The following KHDRBS2 variants were observed in gnomAD, a reference collection of about 807,000 sequenced individuals.
KHDRBS2 encodes the protein KH RNA binding domain containing, signal transduction associated 2, also known as KH domain-containing, RNA-binding, signal transduction-associated protein 2.
In KHDRBS2, 26 loss-of-function variants were observed where a neutral mutation model predicts 44.3. That is an observed-to-expected ratio of 0.59 (90% confidence interval 0.43 to 0.81). The LOEUF (loss-of-function observed/expected upper bound fraction) is 0.81, where lower values mean the gene tolerates loss of function less well. Ranked by LOEUF, KHDRBS2 falls within the 40% of genes least tolerant of loss-of-function variation. The pLI is 0.00. For synonymous variants in KHDRBS2, 194 were observed against 151.1 expected (o/e 1.28, Z -2.08); for missense variants, 476 against 433.1 (o/e 1.10, Z -0.88).
At chr6:62,266,931 T>C (rs1163181493) in intron 1 of KHDRBS2, among the ~76,000 whole-genome samples, 1 of 152,052 alleles carries the variant, frequency 6.6e-6, no homozygotes, top group East Asian at 1.9e-4. Flanking sequence ...AAATATTTTT[T>C]CTTTAGAAAT....
the KHDRBS2 span, among the ~76,000 whole-genome samples, chr6:61,650,400 T>TA: frequency 4.8e-5 from 5 of 104,394 alleles, no homozygotes; most frequent in Admixed American, 2.3e-4. Context: ...CTGCTTTTTT[T>TA]AAAAAAATGT....
chr6:61,591,554 G>C, the KHDRBS2 span, among the ~76,000 whole-genome samples: 2 of 152,052 alleles, frequency 1.3e-5, no homozygotes, highest in Admixed American at 1.3e-4. Context: ...CGTGCACCTA[G>C]AGTAACTAAA....
At chr6:61,870,666 C>T (rs1329614940) in intron 6 of KHDRBS2, among the ~76,000 whole-genome samples, 17 of 152,128 alleles carry the variant, frequency 1.1e-4, no homozygotes, top group Non-Finnish European at 8.8e-5. Flanking sequence ...GGACGAAGCT[C>T]CCAGAGGAAA....
At chr6:61,725,836 A>G (rs1336486234) in intron 7 of KHDRBS2, among the ~76,000 whole-genome samples, 1 of 151,682 alleles carries the variant, frequency 6.6e-6, no homozygotes, top group Non-Finnish European at 1.5e-5. Context: ...CAGGACCAGA[A>G]TCTCAGATAG....
intron 2 of KHDRBS2, among the ~76,000 whole-genome samples, chr6:62,122,688 G>T (rs1330387192): frequency 1.3e-5 from 2 of 152,048 alleles, no homozygotes; most frequent in Non-Finnish European, 2.9e-5. Context: ...CTGCATACGT[G>T]GCTCTGCACA....
rs1229577680 is a variant in KHDRBS2 at position 62,041,646 on chromosome 6, T to C, written c.336+6232A>G. Among the ~76,000 whole-genome samples the C allele has an allele frequency of 2.0e-5, 3 of 152,184 alleles. No homozygotes were observed. In the East Asian group the frequency reaches 5.8e-4, roughly 30 times the overall value. On this transcript the variant is annotated intron_variant, in intron 3 of 8. Transcript: ENST00000281156. ...CTATACAAGTAGCATTAATAAAATG[T>C]TTTCTGTATATAAAACTTGGTTTAT...
intron 2 of KHDRBS2, among the ~76,000 whole-genome samples, chr6:62,062,707 C>T (rs1004431125): frequency 3.4e-5 from 5 of 147,736 alleles, no homozygotes; most frequent in South Asian, 2.2e-4. Context: ...CCTAACATCA[C>T]AATTAAAAGA....
Position 61,945,333 on chromosome 6 carries a change from T to C in KHDRBS2, c.483+32733A>G, listed in dbSNP as rs1037932301. Among the ~76,000 whole-genome samples the C allele has an allele frequency of 4.6e-5, 7 of 151,250 alleles. 1 individual carries two copies. Among genetic ancestry groups the C allele is most frequent in the African/African-American group, 1.2e-4 (5 of 41,362 alleles). ...CATTTATGAAAATTTTCATAAACAG[T>C]ATTTTTAAAAAGATATAATTATGCC... is the stretch of plus-strand genomic sequence containing the variant. On this transcript the variant is annotated intron_variant, in intron 4 of 8. Transcript: ENST00000281156.
At chr6:61,553,277 C>T in the KHDRBS2 span, among the ~76,000 whole-genome samples, 1,354 of 151,960 alleles carry the variant, frequency 8.9e-3, 19 homozygotes, top group African/African-American at 0.031. Context: ...TACATTTTTT[C>T]ATTTGTGTGT....
chr6:61,948,420 T>C (rs1437483159), intron 4 of KHDRBS2, among the ~76,000 whole-genome samples: 1 of 152,042 alleles, frequency 6.6e-6, no homozygotes, highest in Non-Finnish European at 1.5e-5. Flanking sequence ...TTAAAATGCA[T>C]ACTTTTGCCA....
intron 2 of KHDRBS2, among the ~76,000 whole-genome samples, chr6:62,104,421 T>G (rs184086513): frequency 3.9e-5 from 6 of 152,212 alleles, no homozygotes; most frequent in African/African-American, 1.4e-4. Flanking sequence ...TAGGTATATT[T>G]GAAATCATTC....
At chr6:61,786,858 A>G (rs1368629182) in intron 6 of KHDRBS2, among the ~76,000 whole-genome samples, 1 of 151,890 alleles carries the variant, frequency 6.6e-6, no homozygotes, top group Non-Finnish European at 1.5e-5. Context: ...GCTTTGTCAT[A>G]GAATTGTTTA....
chr6:61,738,728 C>A (rs1775745889), intron 6 of KHDRBS2, among the ~76,000 whole-genome samples: 1 of 151,886 alleles, frequency 6.6e-6, no homozygotes, highest in Non-Finnish European at 1.5e-5. Context: ...CTGGAAAATG[C>A]ATTTTTTGTC....
chr6:61,890,378 C>T (rs1336165900), intron 6 of KHDRBS2, among the ~76,000 whole-genome samples: 1 of 152,154 alleles, frequency 6.6e-6, no homozygotes, highest in Non-Finnish European at 1.5e-5. Context: ...ACCCACATTT[C>T]CATAAACTCT....
chr6:61,556,572 GT>G, the KHDRBS2 span, among the ~76,000 whole-genome samples: 8 of 152,004 alleles, frequency 5.3e-5, no homozygotes, highest in African/African-American at 1.9e-4. Flanking sequence ...TAGTTTGTCA[GT>G]TTTTCTTTCA....
At chr6:61,744,939 C>CT (rs555996888) in intron 6 of KHDRBS2, among the ~76,000 whole-genome samples, 3 of 152,096 alleles carry the variant, frequency 2.0e-5, no homozygotes, top group East Asian at 1.9e-4. Flanking sequence ...ATCTGTTTTC[C>CT]TTTTTTTGGG....
At chr6:62,133,577 A>G (rs1408564996) in intron 2 of KHDRBS2, among the ~76,000 whole-genome samples, 1 of 152,214 alleles carries the variant, frequency 6.6e-6, no homozygotes, top group East Asian at 1.9e-4. Context: ...ACTGCCATAA[A>G]TATATGTGAA....
At chr6:61,764,992 T>A (rs1008055527) in intron 6 of KHDRBS2, among the ~76,000 whole-genome samples, 1 of 152,130 alleles carries the variant, frequency 6.6e-6, no homozygotes, top group Non-Finnish European at 1.5e-5. Flanking sequence ...TTAGATTACA[T>A]TTACATTGAA....
Position 62,228,350 on chromosome 6 carries a change from T to G in KHDRBS2, c.92-51038A>C, listed in dbSNP as rs191696387. Among the ~76,000 whole-genome samples the G allele has an allele frequency of 4.9e-4, 74 of 152,324 alleles. 1 individual carries two copies. The highest frequency in any genetic ancestry group is 1.7e-3 in the African/African-American group (70 of 41,572). On this transcript the variant is annotated intron_variant, in intron 1 of 8. Transcript: ENST00000281156. Reference sequence around the variant, plus strand: ...ACTCTCTGATGGTAGTTTGTATTTCTGTGGGGTCGGTGGTGATATCCCCTT... The same window carrying G: ...ACTCTCTGATGGTAGTTTGTATTTCGGTGGGGTCGGTGGTGATATCCCCTT...
Sources: gnomAD v4.1 joint callset for allele counts (sites outside exome capture counted in the v4.1 genomes callset) on GRCh38, gnomAD v4.1.1 for gene constraint, MANE v1.5 for transcripts, NCBI Gene and HGNC (gene_info 2026-07-23, HGNC 2026-07-21) for gene names.